Variants in SUGCT observed in about 807,000 individuals in gnomAD.
SUGCT encodes the protein succinyl-CoA:glutarate CoA-transferase.
Under a neutral mutation model 55.0 loss-of-function variants are expected in SUGCT, and 41 were observed. The observed-to-expected ratio is 0.74, with a 90% CI of 0.58 to 0.97. The LOEUF is 0.97. Ranked by LOEUF, SUGCT falls within the 50% of genes least tolerant of loss-of-function variation. The pLI is 0.00. For missense variants in SUGCT, 568 were observed against 547.8 expected (o/e 1.04, Z -0.37); for synonymous variants, 187 against 200.4 (o/e 0.93, Z 0.56).
chr7:40,770,725 C>T (rs1279341806), intron 13 of SUGCT, among the ~76,000 whole-genome samples: 1 of 152,096 alleles, frequency 6.6e-6, no homozygotes, highest in Non-Finnish European at 1.5e-5. Flanking sequence ...TAATGGACAA[C>T]AAACCATATC....
At chr7:40,490,388 T>G (rs1791614804) in intron 11 of SUGCT, among the ~76,000 whole-genome samples, 1 of 152,184 alleles carries the variant, frequency 6.6e-6, no homozygotes, top group African/African-American at 2.4e-5. Flanking sequence ...TCATGAGATC[T>G]CGGAATGGTG....
intron 13 of SUGCT, among the ~76,000 whole-genome samples, chr7:40,791,912 C>A (rs1442813908): frequency 6.6e-6 from 1 of 152,116 alleles, no homozygotes; most frequent in Non-Finnish European, 1.5e-5. Flanking sequence ...TTTGGCCTTA[C>A]ACATCTTATT....
chr7:40,893,617 A>G, the SUGCT span, among the ~76,000 whole-genome samples: 1 of 152,214 alleles, frequency 6.6e-6, no homozygotes, highest in Non-Finnish European at 1.5e-5. Flanking sequence ...AGAATAATCA[A>G]TAAATAAAGA....
chr7:40,312,756 A>G (rs1378440171), intron 8 of SUGCT, among the ~76,000 whole-genome samples: 1 of 152,116 alleles, frequency 6.6e-6, no homozygotes, highest in Non-Finnish European at 1.5e-5. Context: ...GACTTTGAAG[A>G]ATAGGTGGAA....
At chr7:40,959,632 C>T in the SUGCT span, among the ~76,000 whole-genome samples, 2 of 152,174 alleles carry the variant, frequency 1.3e-5, 1 homozygote, top group Admixed American at 1.3e-4. Context: ...TGAGCAAGAC[C>T]ACTCGGCTCC....
intron 12 of SUGCT, among the ~76,000 whole-genome samples, chr7:40,717,665 A>T (rs1208402716): frequency 6.6e-6 from 1 of 152,242 alleles, no homozygotes; most frequent in Non-Finnish European, 1.5e-5. Context: ...ACGCACAGAA[A>T]TCAGTGATTA....
chr7:40,867,949 G>A, the SUGCT span, among the ~76,000 whole-genome samples: 15 of 152,034 alleles, frequency 9.9e-5, no homozygotes, highest in Non-Finnish European at 1.3e-4. Context: ...TTATCATAGC[G>A]CCTACTCTAT....
chr7:40,364,328 T>C (rs1274185433), intron 9 of SUGCT, among the ~76,000 whole-genome samples: 2 of 151,552 alleles, frequency 1.3e-5, no homozygotes, highest in Admixed American at 6.6e-5. Context: ...AAAGTTAATA[T>C]TGTTATGTGT....
chr7:40,488,247 A>C (rs1791493463), intron 11 of SUGCT, among the ~76,000 whole-genome samples: 1 of 151,990 alleles, frequency 6.6e-6, no homozygotes, highest in African/African-American at 2.4e-5. Context: ...AATACCATGA[A>C]GTTTACAAGA....
intron 12 of SUGCT, among the ~76,000 whole-genome samples, chr7:40,633,740 T>A (rs1000692233): frequency 6.6e-6 from 1 of 152,230 alleles, no homozygotes; most frequent in African/African-American, 2.4e-5. Context: ...AAGGTTCATG[T>A]CCTATGTGAG....
chr7:40,734,701 C>G (rs1424595403), intron 12 of SUGCT, among the ~76,000 whole-genome samples: 1 of 152,052 alleles, frequency 6.6e-6, no homozygotes, highest in Non-Finnish European at 1.5e-5. Flanking sequence ...CCTCCTTACA[C>G]TTTTTTGTTA....
the SUGCT span, among the ~76,000 whole-genome samples, chr7:40,898,681 G>T: frequency 6.6e-6 from 1 of 151,878 alleles, no homozygotes; most frequent in Middle Eastern, 3.4e-3. Context: ...CAGAGATCGC[G>T]CCGCGAGACT....
chr7:40,808,373 G>C (rs925717724), intron 13 of SUGCT: 1 of 152,308 alleles, frequency 6.6e-6, no homozygotes, highest in Non-Finnish European at 1.5e-5. Flanking sequence ...GCTTGGATTT[G>C]CAAGAACTGT....
intron 6 of SUGCT, among the ~76,000 whole-genome samples, chr7:40,227,193 C>T (rs1346548618): frequency 6.6e-6 from 1 of 151,374 alleles, no homozygotes; most frequent in African/African-American, 2.4e-5. Context: ...ACTACAGGCA[C>T]CCGCCACCAC....
At chr7:40,658,164 G>A (rs866662320) in intron 12 of SUGCT, among the ~76,000 whole-genome samples, 9 of 152,048 alleles carry the variant, frequency 5.9e-5, no homozygotes, top group Admixed American at 4.6e-4. Context: ...TGAATTCTAG[G>A]CCTTCTGTCT....
intron 1 of SUGCT, among the ~76,000 whole-genome samples, chr7:40,156,340 G>T (rs1466853746): frequency 6.6e-6 from 1 of 152,096 alleles, no homozygotes; most frequent in Non-Finnish European, 1.5e-5. Context: ...AAGGGCACCT[G>T]TAGTCGCAGC....
the SUGCT span, among the ~76,000 whole-genome samples, chr7:40,971,013 A>G: frequency 2.3e-4 from 35 of 152,324 alleles, no homozygotes; most frequent in African/African-American, 7.9e-4. Flanking sequence ...TTGTGTTGCT[A>G]TAAAGGAATA....
At chr7:40,749,673 A>G (rs1375092414) in intron 13 of SUGCT, among the ~76,000 whole-genome samples, 176 bp downstream of exon 13, 3 of 152,212 alleles carry the variant, frequency 2.0e-5, no homozygotes, top group Non-Finnish European at 4.4e-5. Context: ...TGCTGAGACT[A>G]TGGCATTGTG....
chr7:40,427,352 G>A (rs566657917), intron 9 of SUGCT, among the ~76,000 whole-genome samples: 6 of 152,208 alleles, frequency 3.9e-5, no homozygotes, highest in East Asian at 1.9e-4. Flanking sequence ...TCTGTGACTC[G>A]TCTAGGGTCA....
Sources: allele counts gnomAD v4.1 joint callset (sites outside exome capture counted in the v4.1 genomes callset), GRCh38; gene constraint gnomAD v4.1.1; transcripts MANE v1.5; gene names NCBI Gene and HGNC (gene_info 2026-07-23, HGNC 2026-07-21).